SGCD: variants seen among roughly 807,000 people sequenced by gnomAD.
SGCD encodes the protein sarcoglycan delta.
SGCD carries 18 observed loss-of-function variants against 36.6 expected under a neutral mutation model. The observed-to-expected ratio is 0.49, with a 90% CI of 0.34 to 0.73. SGCD has a LOEUF of 0.73. SGCD is among the 30% of genes least tolerant of loss of function. SGCD has a pLI of 0.01. For synonymous variants in SGCD, 133 were observed against 130.6 expected (o/e 1.02, Z -0.12); for missense variants, 387 against 346.7 (o/e 1.12, Z -0.92).
At chr5:156,142,187 G>A (rs1762597657) in intron 3 of SGCD, among the ~76,000 whole-genome samples, 1 of 152,240 alleles carries the variant, frequency 6.6e-6, no homozygotes, top group South Asian at 2.1e-4. Flanking sequence ...TGAAATTCTG[G>A]CTCCCCCTTT....
At chr5:156,667,899 A>G (rs180893271) in intron 7 of SGCD, among the ~76,000 whole-genome samples, 2 of 152,332 alleles carry the variant, frequency 1.3e-5, no homozygotes, top group Admixed American at 1.3e-4. Flanking sequence ...TGGTAACCAA[A>G]AATTCTCTTT....
At chr5:155,784,699 C>A in the SGCD span, among the ~76,000 whole-genome samples, 1 of 145,522 alleles carries the variant, frequency 6.9e-6, no homozygotes, top group South Asian at 2.2e-4. Flanking sequence ...GTTTCCAGTA[C>A]CCACACAAAG....
rs1044857639 is a variant in SGCD at position 156,386,490 on chromosome 5, A to G, written c.192+41813A>G. 3.3e-5 allele frequency among the ~76,000 whole-genome samples: 5 copies of G among 152,264 alleles called. No homozygotes were observed. The East Asian group carries it at 9.6e-4, about 29-fold the overall frequency. On this transcript the variant is annotated intron_variant, in intron 3 of 8. Coordinates refer to ENST00000337851, the MANE Select transcript of SGCD (RefSeq NM_000337.6). Reference sequence around the variant, plus strand: ...AATGGATGAATCACTGGACTTAAGCATAAATATCTGAGTTTGCAACTTTTA... The same window carrying G: ...AATGGATGAATCACTGGACTTAAGCGTAAATATCTGAGTTTGCAACTTTTA...
intron 7 of SGCD, among the ~76,000 whole-genome samples, chr5:156,733,930 T>C (rs1756213130): frequency 1.3e-5 from 2 of 152,262 alleles, no homozygotes; most frequent in South Asian, 4.2e-4. Flanking sequence ...ATCTTGGTTC[T>C]GTATTCATAC....
chr5:156,667,716 C>T (rs970983856), intron 7 of SGCD, among the ~76,000 whole-genome samples: 3 of 152,202 alleles, frequency 2.0e-5, no homozygotes, highest in Admixed American at 2.0e-4. Flanking sequence ...GTCTCTTAAG[C>T]TCTCCTAGTC....
intron 1 of SGCD, among the ~76,000 whole-genome samples, chr5:156,111,315 C>T (rs1005607358): frequency 1.3e-5 from 2 of 152,054 alleles, no homozygotes; most frequent in African/African-American, 4.8e-5. Context: ...GGGTGTGGTA[C>T]AAGATGCCAC....
intron 3 of SGCD, among the ~76,000 whole-genome samples, chr5:156,124,702 C>T (rs181086858): frequency 3.0e-4 from 45 of 151,576 alleles, no homozygotes; most frequent in African/African-American, 8.5e-4. Context: ...TGTATGTGTG[C>T]GCACATGTGT....
intron 1 of SGCD, among the ~76,000 whole-genome samples, chr5:156,009,752 T>A (rs1411571305): frequency 1.3e-5 from 2 of 152,202 alleles, no homozygotes; most frequent in African/African-American, 4.8e-5. Flanking sequence ...TATTACTCAC[T>A]TGAATTAGTC....
intron 1 of SGCD, among the ~76,000 whole-genome samples, chr5:155,982,546 C>A (rs918859733): frequency 6.6e-6 from 1 of 152,106 alleles, no homozygotes; most frequent in African/African-American, 2.4e-5. Context: ...CACTGTCCCT[C>A]GCTGCCCTTC....
At chr5:156,367,915 A>T (rs1194513520) in intron 3 of SGCD, among the ~76,000 whole-genome samples, 1 of 152,202 alleles carries the variant, frequency 6.6e-6, no homozygotes, top group Non-Finnish European at 1.5e-5. Context: ...CAATGTTGTG[A>T]AATCTGTGCC....
intron 1 of SGCD, among the ~76,000 whole-genome samples, chr5:155,926,117 A>G (rs554574652): frequency 1.3e-5 from 2 of 152,208 alleles, no homozygotes; most frequent in Admixed American, 6.5e-5. Context: ...GCTTACACTA[A>G]TTCAGTCTGA....
intron 7 of SGCD, among the ~76,000 whole-genome samples, chr5:156,690,810 G>A (rs1385415499): frequency 6.6e-6 from 1 of 152,082 alleles, no homozygotes; most frequent in African/African-American, 2.4e-5. Context: ...ATAGTATATT[G>A]GATTTAGTAA....
chr5:156,182,525 A>G (rs1763633935), intron 3 of SGCD, among the ~76,000 whole-genome samples: 1 of 152,122 alleles, frequency 6.6e-6, no homozygotes, highest in Admixed American at 6.5e-5. Context: ...CAGTATGGGG[A>G]GGTGGCGGTT....
chr5:156,542,862 G>C (rs1405224120), intron 4 of SGCD, among the ~76,000 whole-genome samples: 1 of 152,136 alleles, frequency 6.6e-6, no homozygotes, highest in Non-Finnish European at 1.5e-5. Flanking sequence ...CAAATCAGGG[G>C]TAACTGCAGA....
intron 3 of SGCD, among the ~76,000 whole-genome samples, chr5:156,408,149 C>T (rs1772522524): frequency 6.6e-6 from 1 of 152,168 alleles, no homozygotes; most frequent in Non-Finnish European, 1.5e-5. Flanking sequence ...TTATTACTAT[C>T]CTCTTAGCTC....
chr5:156,082,352 A>T (rs976726100), intron 1 of SGCD, among the ~76,000 whole-genome samples: 2 of 152,028 alleles, frequency 1.3e-5, no homozygotes, highest in African/African-American at 4.8e-5. Context: ...TCAAAGTGCC[A>T]TATTTTGGAG....
intron 3 of SGCD, among the ~76,000 whole-genome samples, chr5:156,489,198 C>A (rs1435334171): frequency 6.6e-6 from 1 of 151,918 alleles, no homozygotes; most frequent in African/African-American, 2.4e-5. Context: ...TATACAAGCA[C>A]CCAAAACCAG....
chr5:156,327,431 CAGGGCAGAG>C (rs1243117462), intron 1 of SGCD, among the ~76,000 whole-genome samples, 199 bp downstream of exon 1: 1 of 152,168 alleles, frequency 6.6e-6, no homozygotes, highest in East Asian at 1.9e-4. Flanking sequence ...TGATTTTCAG[CAGGGCAGAG>C]AGACTTCTTT....
chr5:156,722,374 T>C (rs1483300680), intron 7 of SGCD, among the ~76,000 whole-genome samples: 4 of 152,102 alleles, frequency 2.6e-5, no homozygotes, highest in Admixed American at 6.5e-5. Flanking sequence ...TTGGCAGACA[T>C]AGGAGGAAAG....
Sources: allele counts gnomAD v4.1 joint callset (sites outside exome capture counted in the v4.1 genomes callset), GRCh38; gene constraint gnomAD v4.1.1; transcripts MANE v1.5; gene names NCBI Gene and HGNC (gene_info 2026-07-23, HGNC 2026-07-21).